The following AHR variants were observed in gnomAD, a reference collection of about 807,000 sequenced individuals.
AHR encodes the protein aryl hydrocarbon receptor.
Under a neutral mutation model 86.8 loss-of-function variants are expected in AHR, and 40 were observed. That is an observed-to-expected ratio of 0.46 (90% confidence interval 0.36 to 0.60). AHR has a LOEUF of 0.60. Among genes scored for constraint, AHR ranks in the 20% least tolerant of loss-of-function variants. AHR has a pLI of 0.00. For missense variants in AHR, 1,001 were observed against 1,011.6 expected, an observed-to-expected ratio of 0.99 and a Z score of 0.14; for synonymous variants, 398 against 354.9, an observed-to-expected ratio of 1.12 and a Z score of -1.37.
At chr7:17,329,815 A>G (rs1782266731) in intron 4 of AHR, 137 bp from the exon 5 acceptor site, 1 of 731,220 alleles carries the variant, frequency 1.4e-6, no homozygotes, top group South Asian at 2.2e-5. Flanking sequence ...TTAGGTGACT[A>G]GGGAATTTTA....
chr7:17,333,218 G>A (rs1782318974), intron 6 of AHR, among the ~76,000 whole-genome samples: 1 of 151,878 alleles, frequency 6.6e-6, no homozygotes, highest in South Asian at 2.1e-4. Context: ...AATGACATGT[G>A]AGTGTATGTC....
At position 17,342,991 on chromosome 7, in the gene AHR, C is replaced by G; in HGVS notation, c.2474C>G (p.Thr825Arg). The G allele has an allele frequency of 2.5e-6, 4 of 1,613,532 alleles. No homozygotes were observed. The highest frequency in any genetic ancestry group is 1.7e-6 in the Non-Finnish European group (2 of 1,179,444). The change falls in exon 11 of 11, where the codon ACA becomes AGA. Residue 825 changes from threonine (T) to arginine (R), a missense_variant. By Grantham distance (71) the Thr-to-Arg change is moderately conservative. This residue lies in a region of AHR where 607 missense variants were observed against 543.1 expected (regional missense o/e 1.12). Coordinates refer to ENST00000242057, the MANE Select transcript of AHR (RefSeq NM_001621.5). ...AACATAAATAACACTCAGACTACCA[C>G]ACATCTTCAGCCACTTCATCATCCG... is the stretch of plus-strand genomic sequence containing the variant. ...LNNINNTQTT[T>R]HLQPLHHPSE... is the part of the protein sequence containing the mutation.
At chr7:17,329,674 T>A (rs1197778644) in intron 4 of AHR, among the ~76,000 whole-genome samples, 1 of 151,910 alleles carries the variant, frequency 6.6e-6, no homozygotes, top group Non-Finnish European at 1.5e-5. Flanking sequence ...GATTTTAATA[T>A]GTTGCATTTA....
intron 4 of AHR, among the ~76,000 whole-genome samples, chr7:17,329,218 G>A (rs1224254926): frequency 6.6e-6 from 1 of 151,876 alleles, no homozygotes; most frequent in East Asian, 1.9e-4. Flanking sequence ...CTATCAAACT[G>A]TTTTTTAGTT....
At position 17,340,096 on chromosome 7, in the gene AHR, C is replaced by A. The variant is rs151173074; in HGVS notation, c.2271C>A (p.Ala757=). 8.0e-5 allele frequency: 129 copies of A among 1,614,148 alleles called. No homozygotes were observed. The African/African-American group carries it at 1.5e-3, about 19-fold the overall frequency. ...NQKHGLNPQS[A]IITPQTCYAG... ...AGCATGGATTAAATCCACAGTCAGC[C>A]ATAATAACTCCTCAGACATGTTATG... The change falls in exon 10 of 11, where the codon GCC becomes GCA. Residue 757 remains alanine, a synonymous_variant. Transcript: ENST00000242057.
At chr7:17,317,745 G>A (rs1237066622) in intron 2 of AHR, among the ~76,000 whole-genome samples, 1 of 152,014 alleles carries the variant, frequency 6.6e-6, no homozygotes, top group African/African-American at 2.4e-5. Context: ...AGCCTTCCAG[G>A]TGATTCTAAT....
At chr7:17,326,545 A>C (rs1432069931) in intron 3 of AHR, among the ~76,000 whole-genome samples, 2 of 152,184 alleles carry the variant, frequency 1.3e-5, no homozygotes, top group African/African-American at 4.8e-5. Context: ...TGGTGATATA[A>C]ATCTTTATTT....
intron 6 of AHR, 61 bp downstream of exon 6, chr7:17,330,947 A>G: frequency 6.5e-7 from 1 of 1,545,238 alleles, no homozygotes; most frequent in East Asian, 2.3e-5. Context: ...GCTTGAGGCA[A>G]ATTTAATTTA....
rs1782447890 is a variant in AHR, at chr7:17,343,463, G to A, written c.*399G>A. On this transcript the variant is annotated 3_prime_UTR_variant, in exon 11 of 11. Coordinates refer to ENST00000242057, the MANE Select transcript of AHR (RefSeq NM_001621.5). ...GTTTTGAGCTACTGGATTCTTATTA[G>A]TTCCCCAAATACAAAGTTAGAGAAC... is the stretch of plus-strand genomic sequence containing the variant. 1 of 170,414 alleles carries A rather than the reference G, an allele frequency of 5.9e-6. No homozygotes were observed. Among genetic ancestry groups the A allele is most frequent in the Non-Finnish European group, 1.2e-5 (1 of 80,712 alleles). 10.6% of individuals were successfully genotyped at this position (170,414 alleles called of 1,614,324 possible).
chr7:17,299,504 C>T (rs1360754118), intron 1 of AHR, 175 bp downstream of exon 1: 1 of 725,478 alleles, frequency 1.4e-6, no homozygotes, highest in Non-Finnish European at 2.2e-6. Flanking sequence ...CTTGGATTCT[C>T]CCGTTTTCAA....
Position 17,332,909 on chromosome 7 carries a change from A to C in AHR, c.706-1003A>C, listed in dbSNP as rs372151879. ...ACCAAAGCAACTTTCAGTCCTGCCTACCTTGTTTACAATAAGTGCTCTTAT... is the reference window on the plus strand; with the variant it reads ...ACCAAAGCAACTTTCAGTCCTGCCTCCCTTGTTTACAATAAGTGCTCTTAT... On this transcript the variant is annotated intron_variant, in intron 6 of 10. Transcript: ENST00000242057. Among the ~76,000 whole-genome samples the C allele has an allele frequency of 9.2e-5, 14 of 151,926 alleles. 1 individual carries two copies. The highest frequency in any genetic ancestry group is 3.1e-4 in the African/African-American group (13 of 41,404).
chr7:17,310,828 G>T (rs1038788118), intron 2 of AHR, among the ~76,000 whole-genome samples: 1 of 152,094 alleles, frequency 6.6e-6, no homozygotes, highest in Non-Finnish European at 1.5e-5. Flanking sequence ...GAGCCACTGC[G>T]CCTGGCCTAT....
chr7:17,307,827 A>C (rs1450205214), intron 1 of AHR, among the ~76,000 whole-genome samples: 1 of 152,084 alleles, frequency 6.6e-6, no homozygotes, highest in Non-Finnish European at 1.5e-5. Flanking sequence ...TCAGCTCAAC[A>C]CTTAAGAACA....
chr7:17,337,077 TTTG>T (rs1209736729), intron 9 of AHR, among the ~76,000 whole-genome samples: 2 of 152,118 alleles, frequency 1.3e-5, no homozygotes, highest in African/African-American at 4.8e-5. Context: ...TACTGGCTAA[TTTG>T]TTTTTATTTT....
intron 1 of AHR, among the ~76,000 whole-genome samples, chr7:17,304,611 G>A (rs772925838): frequency 2.0e-5 from 3 of 152,028 alleles, no homozygotes; most frequent in South Asian, 2.1e-4. Flanking sequence ...TTTAAGACCC[G>A]ATTTAGATGC....
intron 9 of AHR, 38 bp from the exon 10 acceptor site, chr7:17,338,948 A>G (rs1485614141): frequency 3.3e-6 from 5 of 1,503,196 alleles, no homozygotes; most frequent in Non-Finnish European, 3.6e-6. Context: ...AATGTTTGAT[A>G]GAATTTTTTT....
In AHR at chr7:17,311,707, G is replaced by A. The variant is rs1782066093; in HGVS notation, c.253+1584G>A. Reference sequence around the variant, plus strand: ...TCTCTGACCTATATAAAAAGTGTTTGAATTTTCAGTTGCCTCTATACCAAA... The same window carrying A: ...TCTCTGACCTATATAAAAAGTGTTTAAATTTTCAGTTGCCTCTATACCAAA... On this transcript the variant is annotated intron_variant, in intron 2 of 10. Transcript: ENST00000242057. Among the ~76,000 whole-genome samples the A allele has an allele frequency of 4.6e-5, 7 of 152,116 alleles. No individual in the cohort carries two copies. In the South Asian group the frequency reaches 1.5e-3, roughly 32 times the overall value.
chr7:17,301,525 C>G (rs1450346231), intron 1 of AHR, among the ~76,000 whole-genome samples: 2 of 151,716 alleles, frequency 1.3e-5, no homozygotes, highest in Non-Finnish European at 2.9e-5. Context: ...TATGCTGTAG[C>G]ATTATTATAG....
At chr7:17,334,762 G>T (rs1208938335) in intron 7 of AHR, 125 bp from the exon 8 acceptor site, 6 of 635,300 alleles carry the variant, frequency 9.4e-6, no homozygotes, top group African/African-American at 1.8e-5. Context: ...CTACTTATGT[G>T]AAATTCTAAA....
Sources: allele counts gnomAD v4.1 joint callset (sites outside exome capture counted in the v4.1 genomes callset), GRCh38; gene constraint gnomAD v4.1.1; regional missense constraint gnomAD v4.1.1; transcripts MANE v1.5; gene names NCBI Gene and HGNC (gene_info 2026-07-23, HGNC 2026-07-21).